Variants in PICK1 observed in about 807,000 individuals in gnomAD.
PICK1 encodes the protein PRKCA-binding protein.
PICK1 carries 23 observed loss-of-function variants against 48.9 expected under a neutral mutation model. The ratio of observed to expected loss-of-function variants is 0.47; its 90% CI spans 0.34 to 0.67. PICK1 has a LOEUF of 0.67. PICK1 is among the 30% of genes least tolerant of loss of function. The probability of loss-of-function intolerance (pLI) is 0.01; values close to 1 mark genes in which losing one functional copy is unlikely to be tolerated. For missense variants in PICK1, 423 were observed against 557.1 expected, an observed-to-expected ratio of 0.76 and a Z score of 2.42; for synonymous variants, 217 against 228.2, an observed-to-expected ratio of 0.95 and a Z score of 0.44.
intron 7 of PICK1, among the ~76,000 whole-genome samples, chr22:38,071,306 C>T (rs1172113884): frequency 4.6e-5 from 7 of 152,086 alleles, no homozygotes; most frequent in African/African-American, 1.2e-4. Flanking sequence ...ATCACACCAC[C>T]GCACTCTAGT....
At chr22:38,064,965 C>T (rs2085489700) in intron 3 of PICK1, 37 bp from the exon 4 acceptor site, 12 of 1,612,554 alleles carry the variant, frequency 7.4e-6, no homozygotes, top group Admixed American at 3.3e-5. Flanking sequence ...CTTAGCCCTC[C>T]CTTTCTTCCC....
chr22:38,074,975 T>C lies in PICK1; in HGVS notation c.1091T>C (p.Leu364Pro). ...GACGTCTTCCCCATCGAGGTAGACC[T>C]GGCGCACACCACATTGGCCTATGGC... is the stretch of plus-strand genomic sequence containing the variant. ...DADVFPIEVDLAHTTLAYGLN... is the reference protein window; with the variant it reads ...DADVFPIEVDPAHTTLAYGLN... The change falls in exon 13 of 13, where the codon CTG becomes CCG. Residue 364 changes from leucine to proline, a missense_variant. Around this residue, in one of 2 missense-constraint regions of PICK1, gnomAD observed 144 missense variants for 139.3 expected, o/e 1.03. Transcript: ENST00000356976. The surrounding 1 kb of genome is among the most constrained non-coding windows in gnomAD (Gnocchi z 4.5). 1 of 1,613,756 alleles carries C rather than the reference T, an allele frequency of 6.2e-7. No individual in the cohort carries two copies. The highest frequency in any genetic ancestry group is 2.2e-5 in the East Asian group (1 of 44,870).
chr22:38,070,033 C>A lies in PICK1; in HGVS notation c.440-805C>A, dbSNP rs1221865555. ...TGCTAAGGCTCTGGGGAACCCAGGC[C>A]TGGAGGCCACCGGGTGGCCAAAGCC... On this transcript the variant is annotated intron_variant, in intron 6 of 12. Transcript: ENST00000356976. Among the ~76,000 whole-genome samples, 5 of 152,342 alleles carry A rather than the reference C, an allele frequency of 3.3e-5. No homozygotes were observed. In the East Asian group the frequency reaches 5.8e-4, roughly 18 times the overall value.
chr22:38,070,724 A>G, intron 6 of PICK1, 114 bp from the exon 7 acceptor site: 2 of 889,530 alleles, frequency 2.2e-6, no homozygotes, highest in Non-Finnish European at 3.8e-6. Context: ...GGGACCCCTG[A>G]TCTTTCCCTT....
rs2085750359 is a variant in PICK1 at position 38,073,396 on chromosome 22, G to GT, written c.783+305dup. On this transcript the variant is annotated intron_variant, in intron 10 of 12. Coordinates refer to ENST00000356976, the MANE Select transcript of PICK1 (RefSeq NM_012407.4). This position sits in a 1 kb window ranked among gnomAD's most constrained non-coding sequence, Gnocchi z 5.7. ...ATAAAATGGGTGTCAGTGAACGTTC[G>GT]TGAGTTTTACATTTAATTATTCTAC... is the stretch of plus-strand genomic sequence containing the variant. 6.6e-6 allele frequency among the ~76,000 whole-genome samples: 1 copy of GT among 152,244 alleles called. No homozygotes were observed. The highest frequency in any genetic ancestry group is 1.5e-5 in the Non-Finnish European group (1 of 68,044).
chr22:38,063,801 C>T (rs914947168), intron 3 of PICK1, among the ~76,000 whole-genome samples: 37 of 152,012 alleles, frequency 2.4e-4, no homozygotes, highest in Non-Finnish European at 5.1e-4. Flanking sequence ...CACCACCATG[C>T]CCAGCTAATT....
chr22:38,062,392 C>A (rs774828603), intron 3 of PICK1, among the ~76,000 whole-genome samples: 5 of 152,108 alleles, frequency 3.3e-5, no homozygotes, highest in Non-Finnish European at 5.9e-5. Context: ...GGATTACAGG[C>A]ACGTGCCACC....
At chr22:38,071,806 A>G in intron 8 of PICK1, 62 bp downstream of exon 8, 1 of 1,428,070 alleles carries the variant, frequency 7.0e-7, no homozygotes, top group Non-Finnish European at 9.9e-7. Flanking sequence ...TCTCACTCCC[A>G]TGCTGAGGTG....
chr22:38,060,879 G>T (rs970163052), intron 3 of PICK1, among the ~76,000 whole-genome samples: 2 of 151,766 alleles, frequency 1.3e-5, no homozygotes, highest in African/African-American at 4.8e-5. Flanking sequence ...CTCCCGAGTA[G>T]CTGGTATTAC....
Position 38,073,930 on chromosome 22 carries a change from C to A in PICK1, c.834+107C>A. The A allele has an allele frequency of 8.8e-7, 1 of 1,142,652 alleles. No individual in the cohort carries two copies. Among genetic ancestry groups the A allele is most frequent in the Non-Finnish European group, 1.3e-6 (1 of 758,816 alleles). The allele number at this position is 1,142,652 out of a possible 1,614,324, so 70.8% of individuals were successfully genotyped here. ...GAGAGACCGGGGGGACTTGGCTGGA[C>A]TCTCGTTCCTGGAGATTTAGGGCCA... On this transcript the variant is annotated intron_variant, in intron 11 of 12. Coordinates refer to ENST00000356976, the MANE Select transcript of PICK1 (RefSeq NM_012407.4). The surrounding 1 kb of genome is among the most constrained non-coding windows in gnomAD (Gnocchi z 5.7).
In PICK1 at chr22:38,075,219, G is replaced by A. The variant is rs989599381; in HGVS notation, c.*87G>A. The A allele has an allele frequency of 1.3e-5, 17 of 1,332,458 alleles. No individual in the cohort carries two copies. Among genetic ancestry groups the A allele is most frequent in the African/African-American group, 5.8e-5 (4 of 68,544 alleles). 82.5% of individuals were successfully genotyped at this position (1,332,458 alleles called of 1,614,324 possible). A position where few individuals can be genotyped will look rare whatever the true frequency, so the allele number is the denominator to read the frequency against. ...CGGGGCCGCCGCGCAAGGGGGCGAC[G>A]CATAAAGGCCTGCTGGCTTGGGGCG... On this transcript the variant is annotated 3_prime_UTR_variant, in exon 13 of 13. Coordinates refer to ENST00000356976, the MANE Select transcript of PICK1 (RefSeq NM_012407.4).
Position 38,072,555 on chromosome 22 carries a change from A to T in PICK1, c.635A>T (p.Asp212Val). 6.2e-7 allele frequency: 1 copy of T among 1,613,456 alleles called. No homozygotes were observed. The highest frequency in any genetic ancestry group is 8.5e-7 in the Non-Finnish European group (1 of 1,180,034). Residue 212 changes from aspartate to valine, a missense_variant, in exon 9 of 13, where the codon GAT becomes GTT. Transcript: ENST00000356976. ...AGCGAGGCTTTTGTGAAGTTCGCCG[A>T]TGCCCACCGCAGCATCGAGAAGTTC... ...AASEAFVKFA[D>V]AHRSIEKFGI...
chr22:38,065,884 C>T (rs1162633196), intron 4 of PICK1, among the ~76,000 whole-genome samples: 1 of 152,118 alleles, frequency 6.6e-6, no homozygotes, highest in Non-Finnish European at 1.5e-5. Flanking sequence ...GGCAAGGGTC[C>T]CCACTGTGAG....
intron 9 of PICK1, 102 bp downstream of exon 9, chr22:38,072,712 A>G: frequency 1.3e-6 from 2 of 1,512,826 alleles, no homozygotes; most frequent in Admixed American, 3.3e-5. Context: ...GCCTGGGTAC[A>G]GCCTCTGGCT....
At chr22:38,070,361 G>A (rs1035257796) in intron 6 of PICK1, among the ~76,000 whole-genome samples, 5 of 152,228 alleles carry the variant, frequency 3.3e-5, no homozygotes, top group African/African-American at 1.2e-4. Flanking sequence ...GGCACACAGT[G>A]GGTGCTCAAG....
At chr22:38,060,114 A>C (rs1261595136) in intron 3 of PICK1, among the ~76,000 whole-genome samples, 1 of 152,188 alleles carries the variant, frequency 6.6e-6, no homozygotes, top group Non-Finnish European at 1.5e-5. Flanking sequence ...GGGAGGCTGA[A>C]GTAGGAGAAT....
At position 38,066,487 on chromosome 22, in the gene PICK1, C is replaced by T. The variant is rs559397158; in HGVS notation, c.283-1217C>T. On this transcript the variant is annotated intron_variant, in intron 4 of 12. Coordinates refer to ENST00000356976, the MANE Select transcript of PICK1 (RefSeq NM_012407.4). The surrounding 1 kb of genome is among the most constrained non-coding windows in gnomAD (Gnocchi z 4.1). ...ACAGGGATGCAGCATTGGCCCAGCT[C>T]CCCTGTTTGGGTGCTGGGCAGGGAT... Among the ~76,000 whole-genome samples the T allele has an allele frequency of 3.5e-4, 54 of 152,318 alleles. No individual in the cohort carries two copies. The highest frequency in any genetic ancestry group is 1.3e-3 in the African/African-American group (54 of 41,578).
At position 38,075,238 on chromosome 22, in the gene PICK1, T is replaced by C. The variant is rs916702461; in HGVS notation, c.*106T>C. On this transcript the variant is annotated 3_prime_UTR_variant, in exon 13 of 13. Transcript: ENST00000356976. ...GGCGACGCATAAAGGCCTGCTGGCT[T>C]GGGGCGCCTGCCTCCCTGCTCCTCT... is the stretch of plus-strand genomic sequence containing the variant. 5 of 1,126,140 alleles carry C rather than the reference T, an allele frequency of 4.4e-6. No homozygotes were observed. The highest frequency in any genetic ancestry group is 6.2e-6 in the Non-Finnish European group (5 of 811,298). The allele number at this position is 1,126,140 out of a possible 1,614,324, so 69.8% of individuals were successfully genotyped here.
Position 38,074,399 on chromosome 22 carries a change from C to T in PICK1, c.927C>T (p.Ser309=), listed in dbSNP as rs2085781053. 1.2e-6 allele frequency: 2 copies of T among 1,613,044 alleles called. No homozygotes were observed. Among genetic ancestry groups the T allele is most frequent in the African/African-American group, 1.3e-5 (1 of 74,920 alleles). ...RCRQEARARF[S]QMRKDVLEKM... Reference sequence around the variant, plus strand: ...GCCAGGAGGCGCGCGCCCGCTTCTCCCAGATGCGCAAGGATGTGCTGGAGA... The same window carrying T: ...GCCAGGAGGCGCGCGCCCGCTTCTCTCAGATGCGCAAGGATGTGCTGGAGA... Residue 309 remains serine, a synonymous_variant, in exon 12 of 13, where the codon TCC becomes TCT. Coordinates refer to ENST00000356976, the MANE Select transcript of PICK1 (RefSeq NM_012407.4). The surrounding 1 kb of genome is among the most constrained non-coding windows in gnomAD (Gnocchi z 4.5).
Sources: gnomAD v4.1 joint callset for allele counts (sites outside exome capture counted in the v4.1 genomes callset) on GRCh38, gnomAD v4.1.1 for gene constraint, gnomAD v4.1.1 regional missense constraint, Gnocchi (gnomAD v3.1) non-coding constraint, MANE v1.5 for transcripts, NCBI Gene and HGNC (gene_info 2026-07-23, HGNC 2026-07-21) for gene names.